Variants in PTP4A2 observed in about 807,000 individuals in gnomAD.
PTP4A2 encodes protein tyrosine phosphatase type IVA 2.
A neutral mutation model predicts 22.9 loss-of-function variants in PTP4A2; 2 were observed. The observed-to-expected ratio is 0.09, with a 90% confidence interval of 0.04 to 0.27. The LOEUF (loss-of-function observed/expected upper bound fraction) is 0.27, where lower values mean the gene tolerates loss of function less well. PTP4A2 is among the 10% of genes least tolerant of loss of function. The probability of loss-of-function intolerance (pLI) is 1.00; values close to 1 mark genes in which losing one functional copy is unlikely to be tolerated. For missense variants in PTP4A2, 103 were observed against 205.1 expected (o/e 0.50, Z 3.04); for synonymous variants, 68 against 69.1 (o/e 0.98, Z 0.08).
At position 31,938,217 on chromosome 1, in the gene PTP4A2, TGCTGCCGCCGCTGCCTCC is replaced by T. The variant is rs1557871132; in HGVS notation, c.-842_-825del. 9 of 152,818 alleles carry T rather than the reference TGCTGCCGCCGCTGCCTCC, an allele frequency of 5.9e-5. No homozygotes were observed. The highest frequency in any genetic ancestry group is 6.6e-3 in the Middle Eastern group (2 of 302). The allele number at this position is 152,818 out of a possible 1,614,324, so 9.5% of individuals were successfully genotyped here. A position where few individuals can be genotyped will look rare whatever the true frequency, so the allele number is the denominator to read the frequency against. ...CTGCTGCGGCCGCCGCTGCGTCTCC[TGCTGCCGCCGCTGCCTCC>T]GCTGCCGCCGCTGCCCTGTGGCGTC... On this transcript the variant is annotated 5_prime_UTR_variant, in exon 1 of 6. Coordinates refer to ENST00000647444, the MANE Select transcript of PTP4A2 (RefSeq NM_080391.4). This position sits in a 1 kb window ranked among gnomAD's most constrained non-coding sequence, Gnocchi z 4.4.
At chr1:31,926,115 TA>T (rs1156626024) in intron 1 of PTP4A2, among the ~76,000 whole-genome samples, 1 of 137,068 alleles carries the variant, frequency 7.3e-6, no homozygotes, top group African/African-American at 2.7e-5. Context: ...GCCACAGAGC[TA>T]GATTCCGTTT....
chr1:31,938,061 TCGGCGG>T lies in PTP4A2; in HGVS notation c.-674_-669del, dbSNP rs959113845. ...GGAGGCGCCTCTCTCCTCAGTCACC[TCGGCGG>T]CGGCGGCGGCGGCGGTAGCGGTGGC... On this transcript the variant is annotated 5_prime_UTR_variant, in exon 1 of 6. Transcript: ENST00000647444. The surrounding 1 kb of genome is among the most constrained non-coding windows in gnomAD (Gnocchi z 4.4). 1.6e-4 allele frequency: 24 copies of T among 148,154 alleles called. No individual in the cohort carries two copies. Among genetic ancestry groups the T allele is most frequent in the East Asian group, 8.9e-4 (4 of 4,498 alleles). The allele number at this position is 148,154 out of a possible 1,614,324, so 9.2% of individuals were successfully genotyped here. A position where few individuals can be genotyped will look rare whatever the true frequency, so the allele number is the denominator to read the frequency against.
intron 1 of PTP4A2, among the ~76,000 whole-genome samples, chr1:31,919,928 A>G (rs1557864534): frequency 6.7e-6 from 1 of 149,652 alleles, no homozygotes; most frequent in Non-Finnish European, 1.5e-5. Flanking sequence ...GGAGTTTGAG[A>G]CCAGCCTGAT....
chr1:31,921,810 T>C (rs1309298999), intron 1 of PTP4A2: 1 of 152,192 alleles, frequency 6.6e-6, no homozygotes, highest in Non-Finnish European at 1.5e-5. Context: ...TTCAACACTA[T>C]TCATCTATCC....
At chr1:31,933,908 C>A (rs1037557046) in intron 1 of PTP4A2, 1 of 152,070 alleles carries the variant, frequency 6.6e-6, no homozygotes, top group Non-Finnish European at 1.5e-5. Flanking sequence ...TTACCAGTAC[C>A]CCAAGATCTC....
intron 1 of PTP4A2, among the ~76,000 whole-genome samples, chr1:31,929,619 ATTTGT>A (rs749290940): frequency 6.6e-6 from 1 of 152,222 alleles, no homozygotes; most frequent in Admixed American, 6.5e-5. Flanking sequence ...AAATCCTAAC[ATTTGT>A]TTTATTTCCT....
intron 1 of PTP4A2, among the ~76,000 whole-genome samples, chr1:31,929,148 A>G (rs1652613522): frequency 2.0e-5 from 3 of 152,238 alleles, no homozygotes; most frequent in African/African-American, 7.2e-5. Flanking sequence ...ACAATTTTGT[A>G]CTCCATTTTT....
intron 3 of PTP4A2, chr1:31,914,086 T>A: frequency 2.7e-6 from 1 of 376,382 alleles, no homozygotes; most frequent in Non-Finnish European, 5.3e-6. Context: ...ATTGACTGAT[T>A]GACTGACAAG....
intron 1 of PTP4A2, among the ~76,000 whole-genome samples, chr1:31,927,883 T>C (rs1187901440): frequency 6.6e-6 from 1 of 152,134 alleles, no homozygotes; most frequent in Non-Finnish European, 1.5e-5. Context: ...ACTGTACCTA[T>C]TGTATTTTGA....
intron 1 of PTP4A2, among the ~76,000 whole-genome samples, chr1:31,920,518 A>G (rs1346450941): frequency 1.3e-5 from 2 of 151,008 alleles, no homozygotes; most frequent in African/African-American, 2.4e-5. Flanking sequence ...ATTACTAGAT[A>G]CTTAAAACTT....
intron 5 of PTP4A2, 129 bp from the exon 6 acceptor site, chr1:31,909,089 C>T: frequency 1.5e-6 from 1 of 688,420 alleles, no homozygotes; most frequent in Non-Finnish European, 2.5e-6. Context: ...TCCCATACTA[C>T]AACAATTCTT....
At chr1:31,909,222 GT>G (rs1651401849) in intron 5 of PTP4A2, among the ~76,000 whole-genome samples, 1 of 151,976 alleles carries the variant, frequency 6.6e-6, no homozygotes, top group Admixed American at 6.6e-5. Context: ...TTCTACTTTC[GT>G]TTTCTTTTTT....
At chr1:31,923,585 C>T (rs1047842935) in intron 1 of PTP4A2, among the ~76,000 whole-genome samples, 3 of 151,270 alleles carry the variant, frequency 2.0e-5, no homozygotes, top group African/African-American at 7.3e-5. Context: ...CCGCCCGCCT[C>T]GGCCTCCCAA....
chr1:31,928,421 C>T (rs1033083757), intron 1 of PTP4A2, among the ~76,000 whole-genome samples: 15 of 151,338 alleles, frequency 9.9e-5, no homozygotes, highest in Admixed American at 9.9e-4. Flanking sequence ...ATTTTTTGGC[C>T]GGGCGCGATG....
At chr1:31,930,920 A>G (rs1012217179) in intron 1 of PTP4A2, 5 of 152,254 alleles carry the variant, frequency 3.3e-5, no homozygotes, top group African/African-American at 1.2e-4. Flanking sequence ...TCAAGAAGTT[A>G]TTCTTTACTC....
At chr1:31,930,199 G>A (rs1481130949) in intron 1 of PTP4A2, among the ~76,000 whole-genome samples, 2 of 152,064 alleles carry the variant, frequency 1.3e-5, no homozygotes, top group Non-Finnish European at 2.9e-5. Flanking sequence ...TTAGCCGGGC[G>A]AGGTGGCGGG....
chr1:31,927,581 A>C (rs1298873254), intron 1 of PTP4A2, among the ~76,000 whole-genome samples: 1 of 152,218 alleles, frequency 6.6e-6, no homozygotes, highest in Non-Finnish European at 1.5e-5. Flanking sequence ...TCTATCTGCT[A>C]TGTGGAAACA....
chr1:31,908,053 G>T lies in PTP4A2; in HGVS notation c.*799C>A, dbSNP rs1420935330. On this transcript the variant is annotated 3_prime_UTR_variant, in exon 6 of 6. Coordinates refer to ENST00000647444, the MANE Select transcript of PTP4A2 (RefSeq NM_080391.4). ...GGCTACTTTGCCTAGTATTAGATAGGGTTTTGAAGAAACTAACATGAACAC... is the reference window on the plus strand; with the variant it reads ...GGCTACTTTGCCTAGTATTAGATAGTGTTTTGAAGAAACTAACATGAACAC... The T allele has an allele frequency of 7.4e-6, 1 of 135,914 alleles. No homozygotes were observed. Among genetic ancestry groups the T allele is most frequent in the Non-Finnish European group, 1.6e-5 (1 of 63,266 alleles). 8.4% of individuals were successfully genotyped at this position (135,914 alleles called of 1,614,324 possible).
In PTP4A2 at chr1:31,919,004, T is replaced by G; in HGVS notation, c.62A>C (p.Asn21Thr). The change falls in exon 2 of 6, where the codon AAC (asparagine) becomes ACC (threonine). Residue 21 changes from asparagine (N) to threonine (T), a missense_variant. Transcript: ENST00000647444. ...CTTGTTGAGAGTAGCATTGGTAGGGTTGTGAGTTATCAGAAAACGCATGTT... is the reference window on the plus strand; with the variant it reads ...CTTGTTGAGAGTAGCATTGGTAGGGGTGTGAGTTATCAGAAAACGCATGTT... ...YENMRFLITH[N>T]PTNATLNKFT... 6.2e-7 allele frequency: 1 copy of G among 1,606,440 alleles called. No homozygotes were observed. The highest frequency in any genetic ancestry group is 8.5e-7 in the Non-Finnish European group (1 of 1,173,344).
Sources: allele counts gnomAD v4.1 joint callset (sites outside exome capture counted in the v4.1 genomes callset), GRCh38; gene constraint gnomAD v4.1.1; non-coding constraint Gnocchi (gnomAD v3.1); transcripts MANE v1.5; gene names NCBI Gene and HGNC (gene_info 2026-07-23, HGNC 2026-07-21).